The following RARB variants were observed in gnomAD, a reference collection of about 807,000 sequenced individuals.
RARB encodes HBV-activated protein.
Under a neutral mutation model 51.9 loss-of-function variants are expected in RARB, and 17 were observed. The observed-to-expected ratio is 0.33, with a 90% CI of 0.22 to 0.49. The LOEUF (loss-of-function observed/expected upper bound fraction) is 0.49. RARB is among the 20% of genes least tolerant of loss of function. The pLI is 0.99. For synonymous variants in RARB, 215 were observed against 195.4 expected (o/e 1.10, Z -0.84); for missense variants, 369 against 550.8 (o/e 0.67, Z 3.30).
Position 25,411,484 on chromosome 3 carries a change from T to C in RARB, c.179-49709T>C, listed in dbSNP as rs182764638. Among the ~76,000 whole-genome samples the C allele has an allele frequency of 3.9e-5, 6 of 152,342 alleles. No individual in the cohort carries two copies. In the East Asian group the frequency reaches 1.2e-3, roughly 29 times the overall value. On this transcript the variant is annotated intron_variant, in intron 5 of 11. Transcript: ENST00000383772. The stretch of plus-strand genomic sequence containing the variant: ...GGGTATGTAAGAAGAAATTAGGCTC[T>C]AGGCTCAGATTATTTCCCTACGCGA...
At chr3:25,331,409 C>T (rs765615121) in intron 5 of RARB, among the ~76,000 whole-genome samples, 5 of 152,186 alleles carry the variant, frequency 3.3e-5, no homozygotes, top group Admixed American at 6.5e-5. Flanking sequence ...ACTGAACAAC[C>T]TGCTCCTGAA....
At chr3:25,035,355 C>G (rs1186074339) in intron 2 of RARB, among the ~76,000 whole-genome samples, 1 of 150,286 alleles carries the variant, frequency 6.7e-6, no homozygotes, top group South Asian at 2.1e-4. Flanking sequence ...CTCCGTAGCT[C>G]AAGCAATCTG....
intron 5 of RARB, among the ~76,000 whole-genome samples, chr3:25,404,908 G>C (rs1707366182): frequency 1.3e-5 from 2 of 152,108 alleles, no homozygotes; most frequent in Non-Finnish European, 2.9e-5. Context: ...CAGTAACCCA[G>C]TAGGTCTCAT....
At chr3:25,494,253 G>GCACGCGCGCGCGCGCACGCA (rs1553623182) in intron 2 of RARB, among the ~76,000 whole-genome samples, 7 of 131,968 alleles carry the variant, frequency 5.3e-5, no homozygotes, top group African/African-American at 1.6e-4. Flanking sequence ...TGTATCTTAC[G>GCACGCGCGCGCGCGCACGCA]CACACACACA....
intron 3 of RARB, among the ~76,000 whole-genome samples, chr3:25,535,754 T>C (rs200238790): frequency 1.3e-5 from 2 of 152,208 alleles, no homozygotes; most frequent in East Asian, 3.8e-4. Context: ...AAACCATCCT[T>C]GTCTCTTAAA....
chr3:25,365,092 A>C (rs1478862046), intron 5 of RARB, among the ~76,000 whole-genome samples: 3 of 151,992 alleles, frequency 2.0e-5, no homozygotes, highest in Admixed American at 6.6e-5. Context: ...AATTCTCCCA[A>C]ATGTGGCAGT....
At chr3:25,505,068 C>T (rs889525348) in intron 3 of RARB, among the ~76,000 whole-genome samples, 15 of 152,086 alleles carry the variant, frequency 9.9e-5, no homozygotes, top group Middle Eastern at 3.2e-3. Context: ...CGTGAGCCAC[C>T]GCGCCTGGCC....
chr3:25,163,477 C>T (rs1700506394), intron 4 of RARB, among the ~76,000 whole-genome samples: 1 of 143,414 alleles, frequency 7.0e-6, no homozygotes, highest in Non-Finnish European at 1.5e-5. Flanking sequence ...TGCACACCAG[C>T]CTGAGCAGAA....
chr3:24,861,140 G>A (rs999725212), intron 2 of RARB, among the ~76,000 whole-genome samples: 7 of 152,166 alleles, frequency 4.6e-5, no homozygotes, highest in Admixed American at 1.3e-4. Context: ...GGAAGTATCT[G>A]TACTGAATGT....
chr3:25,118,973 G>A (rs1416209842), intron 3 of RARB, among the ~76,000 whole-genome samples: 2 of 152,076 alleles, frequency 1.3e-5, no homozygotes, highest in Non-Finnish European at 2.9e-5. Context: ...AGAATATACA[G>A]CTTTGACCAA....
At chr3:25,033,023 C>A (rs1355416058) in intron 2 of RARB, among the ~76,000 whole-genome samples, 1 of 152,216 alleles carries the variant, frequency 6.6e-6, no homozygotes, top group East Asian at 1.9e-4. Context: ...GTCATTCCTT[C>A]TACTCAATTT....
intron 3 of RARB, among the ~76,000 whole-genome samples, chr3:25,563,143 T>A (rs1700343031): frequency 6.6e-6 from 1 of 152,316 alleles, no homozygotes; most frequent in South Asian, 2.1e-4. Context: ...CACCAGGTCA[T>A]CTCTTAGACT....
chr3:24,838,563 T>G (rs1702375655), intron 1 of RARB, among the ~76,000 whole-genome samples: 1 of 152,208 alleles, frequency 6.6e-6, no homozygotes, highest in Admixed American at 6.5e-5. Flanking sequence ...AGCAATGATG[T>G]TCTAGTACAT....
At chr3:25,309,996 C>T (rs1012829989) in intron 5 of RARB, among the ~76,000 whole-genome samples, 1 of 152,210 alleles carries the variant, frequency 6.6e-6, no homozygotes, top group African/African-American at 2.4e-5. Context: ...TTTCTTGCCC[C>T]TTCCCCTGTT....
chr3:25,052,583 A>T (rs1698353851), intron 2 of RARB, among the ~76,000 whole-genome samples: 1 of 152,186 alleles, frequency 6.6e-6, no homozygotes, highest in Non-Finnish European at 1.5e-5. Context: ...GAAATGTCTT[A>T]ACTCTTTTAG....
chr3:25,487,898 CA>C (rs1696548658), intron 2 of RARB, among the ~76,000 whole-genome samples: 1 of 152,172 alleles, frequency 6.6e-6, no homozygotes, highest in Non-Finnish European at 1.5e-5. Context: ...ATGTTGAAAA[CA>C]AATAGGAATT....
intron 4 of RARB, among the ~76,000 whole-genome samples, chr3:25,133,408 T>G (rs4300979): frequency 0.57 from 87,225 of 151,722 alleles, 25,371 homozygotes; most frequent in East Asian, 0.7. Flanking sequence ...TGCAAGTTTT[T>G]GGTTGTGCAC....
chr3:25,139,339 T>C (rs1276830218), intron 4 of RARB, among the ~76,000 whole-genome samples: 1 of 152,176 alleles, frequency 6.6e-6, no homozygotes, highest in Admixed American at 6.6e-5. Flanking sequence ...AGAAAAGTTC[T>C]TGAAGGAAAT....
chr3:25,006,777 G>C (rs1370610576), intron 2 of RARB, among the ~76,000 whole-genome samples: 1 of 152,112 alleles, frequency 6.6e-6, no homozygotes, highest in Non-Finnish European at 1.5e-5. Context: ...TGTTACTCCA[G>C]GAGTAGACAT....
Sources: allele counts gnomAD v4.1 joint callset (sites outside exome capture counted in the v4.1 genomes callset), GRCh38; gene constraint gnomAD v4.1.1; transcripts MANE v1.5; gene names NCBI Gene and HGNC (gene_info 2026-07-23, HGNC 2026-07-21).